Variants in RBPJ observed in about 807,000 individuals in gnomAD.
The protein encoded by RBPJ is recombining binding protein suppressor of hairless.
In RBPJ, 9 loss-of-function variants were observed where a neutral mutation model predicts 67.8. The ratio of observed to expected loss-of-function variants is 0.13; its 90% CI spans 0.08 to 0.23. The LOEUF is 0.23. Ranked by LOEUF, RBPJ falls within the 10% of genes least tolerant of loss-of-function variation. RBPJ has a pLI of 1.00. For missense variants in RBPJ, 305 were observed against 595.6 expected, an observed-to-expected ratio of 0.51 and a Z score of 5.08; for synonymous variants, 198 against 203.3, an observed-to-expected ratio of 0.97 and a Z score of 0.22.
intron 1 of RBPJ, among the ~76,000 whole-genome samples, chr4:26,196,749 G>T (rs928269836): frequency 6.6e-6 from 1 of 152,076 alleles, no homozygotes; most frequent in Non-Finnish European, 1.5e-5. Context: ...AACAGATGTC[G>T]GCATTTTGCT....
chr4:26,263,065 C>T (rs1299597657), intron 1 of RBPJ, among the ~76,000 whole-genome samples: 2 of 152,220 alleles, frequency 1.3e-5, no homozygotes, highest in Non-Finnish European at 2.9e-5. Flanking sequence ...TTTCCTGCCC[C>T]AGATTATGTC....
intron 1 of RBPJ, among the ~76,000 whole-genome samples, chr4:26,197,697 C>T (rs1348687603): frequency 6.6e-6 from 1 of 152,090 alleles, no homozygotes; most frequent in Non-Finnish European, 1.5e-5. Flanking sequence ...CTTTTGGAGG[C>T]CCTGGCCTGA....
intron 1 of RBPJ, among the ~76,000 whole-genome samples, chr4:26,184,022 A>G (rs1343695499): frequency 6.6e-6 from 1 of 151,690 alleles, no homozygotes; most frequent in Non-Finnish European, 1.5e-5. Context: ...AAAAAAACAA[A>G]ATAAAAAAAA....
chr4:26,316,577 A>G (rs1490810048), upstream of RBPJ, among the ~76,000 whole-genome samples: 2 of 66,018 alleles, frequency 3.0e-5, no homozygotes, highest in East Asian at 1.1e-3. Flanking sequence ...ACATTCATAT[A>G]TATACATTCA....
intron 1 of RBPJ, among the ~76,000 whole-genome samples, chr4:26,257,372 G>A (rs919722600): frequency 6.6e-6 from 1 of 152,260 alleles, no homozygotes; most frequent in Admixed American, 6.5e-5. Flanking sequence ...GCTCATGCCT[G>A]TAATCCCAGC....
intron 1 of RBPJ, among the ~76,000 whole-genome samples, chr4:26,164,909 C>T (rs1481337562): frequency 6.6e-6 from 1 of 152,120 alleles, no homozygotes; most frequent in African/African-American, 2.4e-5. Context: ...CCTGGGGAAG[C>T]TCAGAAAGGA....
intron 1 of RBPJ, among the ~76,000 whole-genome samples, chr4:26,334,264 C>T (rs1431984354): frequency 6.6e-6 from 1 of 151,956 alleles, no homozygotes; most frequent in African/African-American, 2.4e-5. Context: ...TGGTTTCGAA[C>T]TCCTGACCTC....
intron 1 of RBPJ, among the ~76,000 whole-genome samples, chr4:26,214,416 GAA>G (rs1198482328): frequency 7.2e-6 from 1 of 139,490 alleles, no homozygotes; most frequent in Non-Finnish European, 1.6e-5. Flanking sequence ...GAGAGAGAAA[GAA>G]AGAAAGAGAA....
intron 1 of RBPJ, among the ~76,000 whole-genome samples, chr4:26,185,917 G>A (rs888880607): frequency 9.9e-5 from 15 of 152,068 alleles, no homozygotes; most frequent in African/African-American, 2.7e-4. Context: ...GTGGTGGCAC[G>A]TGCCTGTAAT....
At chr4:26,146,754 A>T in the RBPJ span, among the ~76,000 whole-genome samples, 1 of 152,254 alleles carries the variant, frequency 6.6e-6, no homozygotes, top group Non-Finnish European at 1.5e-5. Flanking sequence ...AACTACTGTG[A>T]TATGTTGACC....
intron 1 of RBPJ, among the ~76,000 whole-genome samples, chr4:26,256,415 T>C (rs1313008947): frequency 6.6e-6 from 1 of 152,130 alleles, no homozygotes; most frequent in Non-Finnish European, 1.5e-5. Context: ...TAATAGGAGA[T>C]AGTGATATCA....
At position 26,415,545 on chromosome 4, in the gene RBPJ, C is replaced by T. The variant is rs771759532; in HGVS notation, c.226C>T (p.Arg76Cys). 10 of 1,612,270 alleles carry T rather than the reference C, an allele frequency of 6.2e-6. No individual in the cohort carries two copies. The highest frequency in any genetic ancestry group is 7.6e-6 in the Non-Finnish European group (9 of 1,179,394). ...GWKKKKEQME[R>C]DGCSEQESQP... ...GAAGAAAAAAAAAGAACAAATGGAA[C>T]GCGATGGTTGTTCTGAACAAGAGTC... Residue 76 changes from arginine (R) to cysteine (C), a missense_variant, in exon 4 of 11, where the codon CGC becomes TGC. Physicochemically the swap from Arg to Cys is radical, Grantham distance 180. Transcript: ENST00000355476.
intron 1 of RBPJ, among the ~76,000 whole-genome samples, chr4:26,338,501 G>A (rs1320734193): frequency 1.3e-5 from 2 of 151,112 alleles, no homozygotes; most frequent in African/African-American, 2.4e-5. Flanking sequence ...TTTAAAAATC[G>A]GTGTATCTCT....
intron 1 of RBPJ, among the ~76,000 whole-genome samples, chr4:26,252,500 C>T (rs150522317): frequency 1.3e-5 from 2 of 152,172 alleles, no homozygotes; most frequent in Non-Finnish European, 2.9e-5. Flanking sequence ...GCAGGAGAAT[C>T]GCCTGAGCCT....
intron 1 of RBPJ, among the ~76,000 whole-genome samples, chr4:26,340,091 A>G (rs920378818): frequency 3.9e-5 from 6 of 152,248 alleles, no homozygotes; most frequent in Non-Finnish European, 5.9e-5. Context: ...CCAGTACTAT[A>G]TGCTAGTAGT....
intron 7 of RBPJ, among the ~76,000 whole-genome samples, chr4:26,426,601 T>A (rs147345584): frequency 2.0e-5 from 3 of 152,174 alleles, no homozygotes; most frequent in Non-Finnish European, 4.4e-5. Flanking sequence ...CAAATACCCA[T>A]GTAAAGGATT....
chr4:26,386,350 C>A lies in RBPJ; in HGVS notation c.21-3C>A. On this transcript the variant is annotated splice_region_variant and splice_polypyrimidine_tract_variant and intron_variant, in intron 1 of 10. Coordinates refer to ENST00000355476, the MANE Select transcript of RBPJ (RefSeq NM_015874.6). ...TTTATTTTCTTTATTTTTTTTTTTC[C>A]AGGAAATTTGGTGAGCGGCCTCCAC... 2.5e-6 allele frequency: 4 copies of A among 1,589,778 alleles called. No homozygotes were observed. The highest frequency in any genetic ancestry group is 1.7e-5 in the Admixed American group (1 of 57,340).
chr4:26,151,236 C>T, the RBPJ span, among the ~76,000 whole-genome samples: 4 of 152,082 alleles, frequency 2.6e-5, no homozygotes, highest in Non-Finnish European at 5.9e-5. Context: ...TGTTTACATG[C>T]TCCATCTAAT....
chr4:26,319,945 G>T, upstream of RBPJ: 1 of 1,484,142 alleles, frequency 6.7e-7, no homozygotes, highest in South Asian at 1.2e-5. Context: ...GCCCGGTGGG[G>T]CCAGGTTTGC....
Sources: allele counts gnomAD v4.1 joint callset (sites outside exome capture counted in the v4.1 genomes callset), GRCh38; gene constraint gnomAD v4.1.1; transcripts MANE v1.5; gene names NCBI Gene and HGNC (gene_info 2026-07-23, HGNC 2026-07-21).